The following PCDHGA4 variants were observed in gnomAD, a reference collection of about 807,000 sequenced individuals.
The protein encoded by PCDHGA4 is protocadherin gamma subfamily A, 4.
In PCDHGA4, 38 loss-of-function variants were observed where a neutral mutation model predicts 54.6. The ratio of observed to expected loss-of-function variants is 0.70; its 90% CI spans 0.54 to 0.91. The LOEUF is 0.91. Among genes scored for constraint, PCDHGA4 ranks in the 40% least tolerant of loss-of-function variants. The pLI, the probability that PCDHGA4 is intolerant of heterozygous loss-of-function variation, is 0.00. For missense variants in PCDHGA4, 1,298 were observed against 1,220.9 expected, an observed-to-expected ratio of 1.06 and a Z score of -0.94; for synonymous variants, 511 against 512.9, an observed-to-expected ratio of 1.00 and a Z score of 0.05.
Position 141,432,098 on chromosome 5 carries a change from G to C in PCDHGA4, c.2515-62709G>C, listed in dbSNP as rs771050429. The C allele has an allele frequency of 1.9e-6, 3 of 1,613,938 alleles. No homozygotes were observed. The highest frequency in any genetic ancestry group is 1.7e-5 in the Admixed American group (1 of 59,992). On this transcript the variant is annotated intron_variant, in intron 1 of 3. Transcript: ENST00000571252. The surrounding 1 kb of genome is among the most constrained non-coding windows in gnomAD (Gnocchi z 6.0). ...CTCGCTGAACGTGGCAGACACCAAC[G>C]ACAACCCGCCGGTCTTCCCTCAGGC...
intron 1 of PCDHGA4, among the ~76,000 whole-genome samples, chr5:141,465,038 G>T (rs1297185291): frequency 6.6e-6 from 1 of 151,642 alleles, no homozygotes; most frequent in Non-Finnish European, 1.5e-5. Flanking sequence ...CACCACAAAT[G>T]ACCCTATATA....
At position 141,460,491 on chromosome 5, in the gene PCDHGA4, A is replaced by G. The variant is rs544539917; in HGVS notation, c.2515-34316A>G. Among the ~76,000 whole-genome samples, 240 of 152,272 alleles carry G rather than the reference A, an allele frequency of 1.6e-3. 1 individual carries two copies. Among genetic ancestry groups the G allele is most frequent in the Non-Finnish European group, 2.6e-3 (177 of 68,014 alleles). On this transcript the variant is annotated intron_variant, in intron 1 of 3. Transcript: ENST00000571252. ...AAGGAATATCCAATTGTCTCTTTGG[A>G]AAAATATGCTGAGAAGGCTATCTTT...
chr5:141,384,837 C>T, intron 1 of PCDHGA4: 1 of 1,613,562 alleles, frequency 6.2e-7, no homozygotes, highest in Non-Finnish European at 8.5e-7. Flanking sequence ...TGGTGGCCGT[C>T]CAGGACCACG....
intron 1 of PCDHGA4, chr5:141,428,040 G>A: frequency 6.2e-7 from 1 of 1,608,668 alleles, no homozygotes; most frequent in Non-Finnish European, 8.5e-7. Flanking sequence ...CGGCTACCTG[G>A]TGACCAAGGT....
chr5:141,419,551 C>T lies in PCDHGA4; in HGVS notation c.2514+61930C>T, dbSNP rs772468979. Reference sequence around the variant, plus strand: ...ACGACAACGCACCGCGGGTGCTGTACCCTGCGCTGGGTCCCGACGGCTCCG... The same window carrying T: ...ACGACAACGCACCGCGGGTGCTGTATCCTGCGCTGGGTCCCGACGGCTCCG... On this transcript the variant is annotated intron_variant, in intron 1 of 3. Transcript: ENST00000571252. 7 of 1,611,916 alleles carry T rather than the reference C, an allele frequency of 4.3e-6. No individual in the cohort carries two copies. The Admixed American group carries it at 1.2e-4, about 27-fold the overall frequency.
chr5:141,376,025 G>C, intron 1 of PCDHGA4: 1 of 1,613,266 alleles, frequency 6.2e-7, no homozygotes, highest in Non-Finnish European at 8.5e-7. Context: ...GGCCGTCCAG[G>C]ACCACGGCCA....
At position 141,400,119 on chromosome 5, in the gene PCDHGA4, G is replaced by A. The variant is rs543287685; in HGVS notation, c.2514+42498G>A. ...TGCACTTGGTCTTTGCTGACAGCTTGCAGGAGGTGCTGCCGGATATCACTG... is the reference window on the plus strand; with the variant it reads ...TGCACTTGGTCTTTGCTGACAGCTTACAGGAGGTGCTGCCGGATATCACTG... On this transcript the variant is annotated intron_variant, in intron 1 of 3. Transcript: ENST00000571252. 3 of 1,614,076 alleles carry A rather than the reference G, an allele frequency of 1.9e-6. No individual in the cohort carries two copies. The Admixed American group carries it at 5.0e-5, about 27-fold the overall frequency.
intron 1 of PCDHGA4, chr5:141,427,619 C>T: frequency 1.4e-6 from 1 of 696,342 alleles, no homozygotes; most frequent in Non-Finnish European, 2.6e-6. Context: ...AAGTCAACGA[C>T]AATGCTCCGG....
Position 141,511,378 on chromosome 5 carries a change from T to C in PCDHGA4, c.*205T>C. 1 of 1,202,114 alleles carries C rather than the reference T, an allele frequency of 8.3e-7. No homozygotes were observed. The highest frequency in any genetic ancestry group is 1.1e-6 in the Non-Finnish European group (1 of 882,194). The allele number at this position is 1,202,114 out of a possible 1,614,324, so 74.5% of individuals were successfully genotyped here. A position where few individuals can be genotyped will look rare whatever the true frequency, so the allele number is the denominator to read the frequency against. On this transcript the variant is annotated 3_prime_UTR_variant, in exon 4 of 4. Coordinates refer to ENST00000571252, the MANE Select transcript of PCDHGA4 (RefSeq NM_018917.4). ...AGGGGGTTGAATATGCAAAAGCAGT[T>C]CCGCTGGGAACCCCCATCCAATCAA...
At chr5:141,410,600 C>T in intron 1 of PCDHGA4, 1 of 1,608,048 alleles carries the variant, frequency 6.2e-7, no homozygotes, top group Non-Finnish European at 8.5e-7. Flanking sequence ...TTTGACTTCA[C>T]ATCCTGAGAC....
chr5:141,428,098 A>C (rs1387848300), intron 1 of PCDHGA4: 1 of 1,608,664 alleles, frequency 6.2e-7, no homozygotes, highest in South Asian at 1.1e-5. Context: ...CTGTCCTACC[A>C]CGTGCTGCAG....
Position 141,505,499 on chromosome 5 carries a change from G to T in PCDHGA4, c.2662+18G>T, listed in dbSNP as rs753203943. 4.3e-6 allele frequency: 7 copies of T among 1,614,172 alleles called. No individual in the cohort carries two copies. The South Asian group carries it at 7.7e-5, about 18-fold the overall frequency. ...CGCCAGTGGTAAGTGGTGTCAGTGTGTGTATGGAAGAGTGGGAGACCTGGG... is the reference window on the plus strand; with the variant it reads ...CGCCAGTGGTAAGTGGTGTCAGTGTTTGTATGGAAGAGTGGGAGACCTGGG... On this transcript the variant is annotated intron_variant, in intron 3 of 3. Coordinates refer to ENST00000571252, the MANE Select transcript of PCDHGA4 (RefSeq NM_018917.4).
At chr5:141,415,185 C>G (rs375113497) in intron 1 of PCDHGA4, 66 of 1,613,860 alleles carry the variant, frequency 4.1e-5, no homozygotes, top group Non-Finnish European at 5.4e-5. Flanking sequence ...CCGTGGCCGA[C>G]AGCATCCCCC....
intron 1 of PCDHGA4, chr5:141,413,419 A>C: frequency 6.2e-7 from 1 of 1,614,084 alleles, no homozygotes; most frequent in Non-Finnish European, 8.5e-7. Context: ...TTTCTCTCTG[A>C]ACCCGCGCAG....
intron 1 of PCDHGA4, among the ~76,000 whole-genome samples, chr5:141,492,206 G>T (rs1180294159): frequency 6.6e-6 from 1 of 152,204 alleles, no homozygotes; most frequent in African/African-American, 2.4e-5. Context: ...TTAGGTGTGC[G>T]CGCGGGGCTC....
rs934674909 is a variant in PCDHGA4, at chr5:141,511,083, A to C, written c.2799A>C (p.Thr933=). Residue 933 remains threonine, a synonymous_variant, in exon 4 of 4, where the codon ACA becomes ACC. Transcript: ENST00000571252. The part of the protein sequence containing the change: ...QNVYIPGSNA[T]LTNAAGKRDG... Reference sequence around the variant, plus strand: ...TCTACATCCCAGGCAGCAATGCCACACTGACCAACGCAGCTGGCAAGCGGG... The same window carrying C: ...TCTACATCCCAGGCAGCAATGCCACCCTGACCAACGCAGCTGGCAAGCGGG... 1.2e-6 allele frequency: 2 copies of C among 1,614,108 alleles called. No homozygotes were observed. Among genetic ancestry groups the C allele is most frequent in the African/African-American group, 2.7e-5 (2 of 74,940 alleles).
At chr5:141,447,649 T>C (rs909020761) in intron 1 of PCDHGA4, among the ~76,000 whole-genome samples, 1 of 152,206 alleles carries the variant, frequency 6.6e-6, no homozygotes, top group Non-Finnish European at 1.5e-5. Context: ...TGGTAGAATT[T>C]TCCCCCCCAG....
intron 1 of PCDHGA4, chr5:141,376,202 T>C: frequency 3.7e-6 from 6 of 1,614,174 alleles, no homozygotes; most frequent in Non-Finnish European, 4.2e-6. Context: ...CTTCCTGGCC[T>C]TCGTCATCGT....
chr5:141,497,125 G>A (rs968031174), intron 2 of PCDHGA4, among the ~76,000 whole-genome samples: 1 of 152,094 alleles, frequency 6.6e-6, no homozygotes, highest in South Asian at 2.1e-4. Context: ...GGCAGAGGTT[G>A]CAGTGAGCTG....
Sources: gnomAD v4.1 joint callset for allele counts (sites outside exome capture counted in the v4.1 genomes callset) on GRCh38, gnomAD v4.1.1 for gene constraint, Gnocchi (gnomAD v3.1) non-coding constraint, MANE v1.5 for transcripts, NCBI Gene and HGNC (gene_info 2026-07-23, HGNC 2026-07-21) for gene names.